The following COL24A1 variants were observed in gnomAD, a reference collection of about 807,000 sequenced individuals.
The protein encoded by COL24A1 is collagen type XXIV alpha 1 chain, also known as collagen alpha-1(XXIV) chain.
A neutral mutation model predicts 253.9 loss-of-function variants in COL24A1; 224 were observed. The ratio of observed to expected loss-of-function variants is 0.88; its 90% CI spans 0.79 to 0.99. The LOEUF (loss-of-function observed/expected upper bound fraction) is 0.99. Ranked by LOEUF, COL24A1 falls within the 50% of genes least tolerant of loss-of-function variation. The pLI is 0.00. For missense variants in COL24A1, 2,131 were observed against 2,068.5 expected, an observed-to-expected ratio of 1.03 and a Z score of -0.59; for synonymous variants, 685 against 673.7, an observed-to-expected ratio of 1.02 and a Z score of -0.26.
chr1:86,123,546 T>C (rs747408292), intron 3 of COL24A1, among the ~76,000 whole-genome samples: 42 of 151,994 alleles, frequency 2.8e-4, no homozygotes, highest in Non-Finnish European at 4.6e-4. Context: ...ACTAAGTAAA[T>C]ATCTGCTGAA....
At chr1:85,972,936 G>A (rs755305845) in intron 20 of COL24A1, among the ~76,000 whole-genome samples, 3 of 152,186 alleles carry the variant, frequency 2.0e-5, no homozygotes, top group Non-Finnish European at 4.4e-5. Flanking sequence ...TTCTGAAATT[G>A]TTTAGAGTCC....
intron 7 of COL24A1, among the ~76,000 whole-genome samples, chr1:86,083,076 T>G (rs1702775980): frequency 6.6e-6 from 1 of 151,990 alleles, no homozygotes; most frequent in South Asian, 2.1e-4. Flanking sequence ...GGCGGGCGAA[T>G]CATGAGGTCA....
At chr1:86,023,982 T>C (rs1215949815) in intron 14 of COL24A1, among the ~76,000 whole-genome samples, 1 of 152,140 alleles carries the variant, frequency 6.6e-6, no homozygotes, top group African/African-American at 2.4e-5. Flanking sequence ...GTTGCATTTG[T>C]GAAATGCTAA....
chr1:86,132,941 G>C (rs1440939282), intron 2 of COL24A1, among the ~76,000 whole-genome samples: 1 of 151,996 alleles, frequency 6.6e-6, no homozygotes, highest in African/African-American at 2.4e-5. Context: ...AATTGAATCT[G>C]TAAATTACCT....
intron 2 of COL24A1, among the ~76,000 whole-genome samples, chr1:86,138,801 CTGTA>C (rs936421149): frequency 2.0e-5 from 3 of 152,094 alleles, no homozygotes; most frequent in African/African-American, 7.2e-5. Flanking sequence ...TCTCCACTCT[CTGTA>C]TGTACTCTTC....
At position 86,109,317 on chromosome 1, in the gene COL24A1, G is replaced by T. The variant is rs560163984; in HGVS notation, c.1599+3250C>A. On this transcript the variant is annotated intron_variant, in intron 5 of 59. Transcript: ENST00000370571. ...TGAACTCAAAAAAATTTTCAACACAGGTGAGAAATTTTGGAAATTTAGATT... is the reference window on the plus strand; with the variant it reads ...TGAACTCAAAAAAATTTTCAACACATGTGAGAAATTTTGGAAATTTAGATT... Among the ~76,000 whole-genome samples the T allele has an allele frequency of 4.0e-4, 5 of 12,458 alleles. No homozygotes were observed. In the Admixed American group the frequency reaches 8.7e-3, roughly 22 times the overall value. The allele number at this position is 12,458 out of a possible 152,430, so 8.2% of individuals were successfully genotyped here. A position where few individuals can be genotyped will look rare whatever the true frequency, so the allele number is the denominator to read the frequency against.
Position 85,868,525 on chromosome 1 carries a change from G to C in COL24A1, c.3294C>G (p.Gly1098=). The C allele has an allele frequency of 6.2e-7, 1 of 1,612,200 alleles. No homozygotes were observed. The highest frequency in any genetic ancestry group is 1.1e-5 in the South Asian group (1 of 91,002). ...IGPLGRSGQT[G]LPGPEGIVGI... is the part of the protein sequence containing the mutation. ...TGAACCCAGCAGTACTTACCGGAAG[G>C]CCTGTTTGGCCTGATCTACCCAAGG... is the stretch of plus-strand genomic sequence containing the variant. Residue 1098 remains glycine, a synonymous_variant, in exon 37 of 60, where the codon GGC becomes GGG. Transcript: ENST00000370571.
chr1:86,007,525 A>G (rs1455049430), intron 19 of COL24A1, among the ~76,000 whole-genome samples: 1 of 152,226 alleles, frequency 6.6e-6, no homozygotes, highest in Non-Finnish European at 1.5e-5. Flanking sequence ...GACTATTTAC[A>G]GCAGCTTCAT....
chr1:85,730,246 C>A lies in COL24A1; in HGVS notation c.*300G>T, dbSNP rs977580942. 2 of 229,998 alleles carry A rather than the reference C, an allele frequency of 8.7e-6. No homozygotes were observed. The highest frequency in any genetic ancestry group is 5.1e-5 in the Admixed American group (1 of 19,684). The allele number at this position is 229,998 out of a possible 1,614,324, so 14.2% of individuals were successfully genotyped here. ...AGCTGTCTAATGGGTACTACGCACT[C>A]AGTCAAAAATATAAGATACCCTGAA... On this transcript the variant is annotated 3_prime_UTR_variant, in exon 60 of 60. Transcript: ENST00000370571.
At chr1:85,949,507 C>G (rs928691567) in intron 24 of COL24A1, among the ~76,000 whole-genome samples, 5 of 152,088 alleles carry the variant, frequency 3.3e-5, no homozygotes, top group Non-Finnish European at 7.4e-5. Context: ...AATCATTAAT[C>G]TTTGAACAAA....
intron 24 of COL24A1, among the ~76,000 whole-genome samples, chr1:85,927,781 C>A (rs1309016866): frequency 1.2e-5 from 1 of 80,964 alleles, no homozygotes; most frequent in Non-Finnish European, 2.4e-5. Context: ...ACCCCTGACC[C>A]CCGAGCAGCC....
chr1:85,994,150 A>G (rs750978929), intron 19 of COL24A1, among the ~76,000 whole-genome samples: 10 of 151,972 alleles, frequency 6.6e-5, no homozygotes, highest in Non-Finnish European at 1.3e-4. Flanking sequence ...ATAAGTCTGA[A>G]CAAAGTAGAG....
intron 24 of COL24A1, chr1:85,961,006 T>C (rs1237483255): frequency 2.8e-6 from 1 of 352,368 alleles, no homozygotes; most frequent in Non-Finnish European, 5.0e-6. Context: ...GAAACAATGT[T>C]TCTGAGGTCA....
At chr1:85,868,689 A>G in intron 36 of COL24A1, 63 bp from the exon 37 acceptor site, 1 of 1,506,128 alleles carries the variant, frequency 6.6e-7, no homozygotes, top group East Asian at 2.3e-5. Context: ...CCAATAATAA[A>G]CAGGTTTTTG....
Position 85,729,500 on chromosome 1 carries a change from T to C in COL24A1, c.*1046A>G, listed in dbSNP as rs1663270298. 6.6e-6 allele frequency: 1 copy of C among 152,312 alleles called. No homozygotes were observed. The highest frequency in any genetic ancestry group is 1.5e-5 in the Non-Finnish European group (1 of 67,984). The allele number at this position is 152,312 out of a possible 1,614,324, so 9.4% of individuals were successfully genotyped here. ...GTACTAACACTAAATTTAAGTACAG[T>C]GAAAGAAAATCAATGAATACTACAA... On this transcript the variant is annotated 3_prime_UTR_variant, in exon 60 of 60. Coordinates refer to ENST00000370571, the MANE Select transcript of COL24A1 (RefSeq NM_152890.7).
chr1:86,011,344 G>A (rs1696465938), intron 19 of COL24A1, among the ~76,000 whole-genome samples: 1 of 151,930 alleles, frequency 6.6e-6, no homozygotes, highest in Non-Finnish European at 1.5e-5. Context: ...ATTACTCGGT[G>A]GAAATAATAA....
intron 7 of COL24A1, among the ~76,000 whole-genome samples, chr1:86,081,806 G>A (rs1488304675): frequency 2.0e-5 from 3 of 152,074 alleles, no homozygotes; most frequent in Admixed American, 6.5e-5. Context: ...GGGAACTGAC[G>A]CTATGTAATT....
chr1:85,882,414 G>A (rs1477128422), intron 32 of COL24A1, among the ~76,000 whole-genome samples: 1 of 152,090 alleles, frequency 6.6e-6, no homozygotes, highest in East Asian at 1.9e-4. Context: ...GCAGTGAGCC[G>A]AGATCGGCCA....
At chr1:85,779,794 C>A (rs973646663) in intron 52 of COL24A1, among the ~76,000 whole-genome samples, 1 of 152,050 alleles carries the variant, frequency 6.6e-6, no homozygotes, top group Non-Finnish European at 1.5e-5. Context: ...GCCTGTCACC[C>A]CTCACTGGTA....
Sources: allele counts gnomAD v4.1 joint callset (sites outside exome capture counted in the v4.1 genomes callset), GRCh38; gene constraint gnomAD v4.1.1; transcripts MANE v1.5; gene names NCBI Gene and HGNC (gene_info 2026-07-23, HGNC 2026-07-21).